Variants in PAPPA2 observed in about 807,000 individuals in gnomAD.
The protein encoded by PAPPA2 is pappalysin 2, also known as pappalysin-2.
In PAPPA2, 86 loss-of-function variants were observed where a neutral mutation model predicts 176.4. The observed-to-expected ratio is 0.49, with a 90% CI of 0.41 to 0.58. PAPPA2 has a LOEUF of 0.58. Ranked by LOEUF, PAPPA2 falls within the 20% of genes least tolerant of loss-of-function variation. PAPPA2 has a pLI of 0.00. For synonymous variants in PAPPA2, 809 were observed against 852.2 expected (o/e 0.95, Z 0.88); for missense variants, 2,073 against 2,256.9 (o/e 0.92, Z 1.65).
intron 3 of PAPPA2, among the ~76,000 whole-genome samples, chr1:176,622,273 G>A (rs1401868756): frequency 6.6e-6 from 1 of 152,118 alleles, no homozygotes; most frequent in Non-Finnish European, 1.5e-5. Flanking sequence ...AAGCACTGAG[G>A]TAAATATTTT....
Position 176,594,558 on chromosome 1 carries a change from C to A in PAPPA2, c.954C>A (p.Asp318Glu), listed in dbSNP as rs2102649425. 2 of 1,614,122 alleles carry A rather than the reference C, an allele frequency of 1.2e-6. No homozygotes were observed. Among genetic ancestry groups the A allele is most frequent in the African/African-American group, 1.3e-5 (1 of 75,054 alleles). The change falls in exon 3 of 23, where the codon GAC becomes GAA. Residue 318 changes from aspartate (D) to glutamate (E), a missense_variant. By Grantham distance (45) the Asp-to-Glu change is conservative. This residue lies in a region of PAPPA2 where 1,196 missense variants were observed against 1,330.4 expected (regional missense o/e 0.90). Transcript: ENST00000367662. ...ATAACTGCTCCCACACTGTCAGTGA[C>A]AAAGGCTGGGCCCTGGGGATCCGCT... is the stretch of plus-strand genomic sequence containing the variant. ...VFDNCSHTVS[D>E]KGWALGIRSG...
chr1:176,647,404 C>A (rs994308621), intron 3 of PAPPA2, among the ~76,000 whole-genome samples: 1 of 151,586 alleles, frequency 6.6e-6, no homozygotes, highest in African/African-American at 2.4e-5. Context: ...TATGCAGAAG[C>A]TTTTTCACTT....
At chr1:176,537,776 G>A (rs1044299380) in intron 1 of PAPPA2, among the ~76,000 whole-genome samples, 7 of 147,876 alleles carry the variant, frequency 4.7e-5, no homozygotes, top group African/African-American at 9.9e-5. Flanking sequence ...GTGTGTTAAC[G>A]CTGTGACCTC....
intron 21 of PAPPA2, among the ~76,000 whole-genome samples, chr1:176,807,753 C>G (rs1284827356): frequency 1.3e-5 from 2 of 152,048 alleles, no homozygotes; most frequent in Non-Finnish European, 2.9e-5. Flanking sequence ...ATCTCGGCCT[C>G]CCAAAGTGCT....
chr1:176,547,620 C>A (rs1650710699), intron 1 of PAPPA2, among the ~76,000 whole-genome samples: 1 of 152,292 alleles, frequency 6.6e-6, no homozygotes, highest in African/African-American at 2.4e-5. Flanking sequence ...TACACAGGGT[C>A]TCTCAACCTC....
At chr1:176,623,614 C>CTTA (rs1558479036) in intron 3 of PAPPA2, among the ~76,000 whole-genome samples, 9 of 88,260 alleles carry the variant, frequency 1.0e-4, no homozygotes, top group Non-Finnish European at 2.0e-4. Flanking sequence ...TTCCTTCCTT[C>CTTA]CTTCCTTCCT....
intron 12 of PAPPA2, among the ~76,000 whole-genome samples, chr1:176,724,980 C>G (rs756206675): frequency 5.3e-5 from 8 of 152,102 alleles, no homozygotes; most frequent in East Asian, 3.9e-4. Context: ...AACTCATGGT[C>G]CTTTCTCTCT....
At chr1:176,666,561 ATGTGTGTGTGTGTGTGTGTGTGTG>A (rs139660279) in intron 3 of PAPPA2, among the ~76,000 whole-genome samples, 34 of 109,456 alleles carry the variant, frequency 3.1e-4, no homozygotes, top group African/African-American at 1.2e-3. Context: ...GTAAATATAT[ATGTGTGTGTGTGTGTGTGTGTGTG>A]TGTGTGTGTG....
chr1:176,524,080 G>T (rs1649344295), intron 1 of PAPPA2, among the ~76,000 whole-genome samples: 1 of 152,154 alleles, frequency 6.6e-6, no homozygotes, highest in Non-Finnish European at 1.5e-5. Flanking sequence ...GAATTTTCAA[G>T]CTGCTCTAAA....
intron 3 of PAPPA2, among the ~76,000 whole-genome samples, chr1:176,654,437 A>G (rs1657913864): frequency 6.7e-6 from 1 of 148,936 alleles, no homozygotes; most frequent in Non-Finnish European, 1.5e-5. Flanking sequence ...ATCAGATATA[A>G]TACATATATA....
intron 3 of PAPPA2, among the ~76,000 whole-genome samples, chr1:176,606,539 A>G (rs1654621621): frequency 6.6e-6 from 1 of 152,152 alleles, no homozygotes; most frequent in Non-Finnish European, 1.5e-5. Flanking sequence ...ATCTCAGCTC[A>G]CTGCAACCTC....
chr1:176,595,434 T>G lies in PAPPA2; in HGVS notation c.1830T>G (p.Gly610=), dbSNP rs1222029119. ...CEHPLTGYDG[G]DCRLQGRCYS... is the part of the protein sequence containing the mutation. ...ACCCACTCACAGGCTATGATGGGGG[T>G]GACTGCCGCCTGCAGGGCCGCTGCT... is the stretch of plus-strand genomic sequence containing the variant. The change falls in exon 3 of 23, where the codon GGT becomes GGG. Residue 610 remains glycine, a synonymous_variant. Coordinates refer to ENST00000367662, the MANE Select transcript of PAPPA2 (RefSeq NM_020318.3). 4 of 1,613,712 alleles carry G rather than the reference T, an allele frequency of 2.5e-6. No individual in the cohort carries two copies. The highest frequency in any genetic ancestry group is 3.4e-6 in the Non-Finnish European group (4 of 1,179,962).
intron 20 of PAPPA2, among the ~76,000 whole-genome samples, chr1:176,798,671 A>G (rs1665546297): frequency 6.6e-6 from 1 of 152,218 alleles, no homozygotes; most frequent in East Asian, 1.9e-4. Flanking sequence ...TGATATGCAA[A>G]TGGTTCTGCA....
At chr1:176,726,123 T>A (rs904104293) in intron 12 of PAPPA2, among the ~76,000 whole-genome samples, 1 of 151,904 alleles carries the variant, frequency 6.6e-6, no homozygotes, top group Non-Finnish European at 1.5e-5. Context: ...GAAACTTATA[T>A]TTTTTTCCTT....
intron 1 of PAPPA2, among the ~76,000 whole-genome samples, chr1:176,528,191 C>T (rs910645089): frequency 3.9e-5 from 6 of 152,122 alleles, no homozygotes; most frequent in South Asian, 2.1e-4. Context: ...CTGAGGGCTC[C>T]GACATTAAGA....
chr1:176,771,128 G>A lies in PAPPA2; in HGVS notation c.4663G>A (p.Glu1555Lys). Residue 1555 changes from glutamate (E) to lysine (K), a missense_variant, in exon 17 of 23, where the codon GAA (glutamate) becomes AAA (lysine). By Grantham distance (56) the Glu-to-Lys change is moderately conservative. Transcript: ENST00000367662. Reference sequence around the variant, plus strand: ...CGACGTGGGCACCATCTGCAAATATGAATGCAAACCAGGGTACTATGTGGC... The same window carrying A: ...CGACGTGGGCACCATCTGCAAATATAAATGCAAACCAGGGTACTATGTGGC... ...NHDVGTICKY[E>K]CKPGYYVAES... 6.2e-7 allele frequency: 1 copy of A among 1,614,172 alleles called. No homozygotes were observed.
intron 21 of PAPPA2, among the ~76,000 whole-genome samples, chr1:176,824,498 G>A (rs1489425092): frequency 3.3e-5 from 5 of 152,036 alleles, no homozygotes; most frequent in African/African-American, 1.2e-4. Context: ...ATAGAATATT[G>A]CAGTTCAGAG....
chr1:176,538,255 C>T (rs1650177295), intron 1 of PAPPA2, among the ~76,000 whole-genome samples: 1 of 152,188 alleles, frequency 6.6e-6, no homozygotes, highest in Admixed American at 6.5e-5. Context: ...CCAGGACCAT[C>T]ACTCTTCACA....
At chr1:176,524,142 T>C (rs938145309) in intron 1 of PAPPA2, among the ~76,000 whole-genome samples, 1 of 152,234 alleles carries the variant, frequency 6.6e-6, no homozygotes, top group Non-Finnish European at 1.5e-5. Flanking sequence ...TGCAGCACTG[T>C]CGTTTTCAGA....
Sources: allele counts gnomAD v4.1 joint callset (sites outside exome capture counted in the v4.1 genomes callset), GRCh38; gene constraint gnomAD v4.1.1; regional missense constraint gnomAD v4.1.1; transcripts MANE v1.5; gene names NCBI Gene and HGNC (gene_info 2026-07-23, HGNC 2026-07-21).